The following PLCE1 variants were observed in gnomAD, a reference collection of about 807,000 sequenced individuals.
PLCE1 encodes 1-phosphatidylinositol 4,5-bisphosphate phosphodiesterase epsilon-1.
Under a neutral mutation model 242.8 loss-of-function variants are expected in PLCE1, and 119 were observed. That is an observed-to-expected ratio of 0.49 (90% CI 0.42 to 0.57). The LOEUF is 0.57. Among genes scored for constraint, PLCE1 ranks in the 20% least tolerant of loss-of-function variants. The probability of loss-of-function intolerance (pLI) is 0.00; values close to 1 mark genes in which losing one functional copy is unlikely to be tolerated. For synonymous variants in PLCE1, 945 were observed against 1,017.4 expected, an observed-to-expected ratio of 0.93 and a Z score of 1.35; for missense variants, 2,441 against 2,788.8, an observed-to-expected ratio of 0.88 and a Z score of 2.81.
chr10:94,121,017 C>T (rs1408894284), intron 2 of PLCE1: 1 of 152,204 alleles, frequency 6.6e-6, no homozygotes, highest in African/African-American at 2.4e-5. Flanking sequence ...AGGAATAAAC[C>T]TGGGATGAGA....
chr10:94,028,430 G>A (rs1050139998), intron 1 of PLCE1, among the ~76,000 whole-genome samples: 3 of 152,146 alleles, frequency 2.0e-5, no homozygotes, highest in African/African-American at 7.2e-5. Context: ...GAGAGGAGTA[G>A]CAAGGAGGAA....
At chr10:94,007,227 G>A (rs2134228494) in intron 1 of PLCE1, among the ~76,000 whole-genome samples, 1 of 151,476 alleles carries the variant, frequency 6.6e-6, no homozygotes, top group Admixed American at 6.6e-5. Context: ...TACTGAAGAG[G>A]AAGTTGAAAA....
At chr10:94,118,552 G>A (rs2046205966) in intron 2 of PLCE1, among the ~76,000 whole-genome samples, 1 of 152,096 alleles carries the variant, frequency 6.6e-6, no homozygotes, top group African/African-American at 2.4e-5. Flanking sequence ...ATAGTGAATG[G>A]GTCTCATAAG....
At chr10:94,220,376 T>TTATATATATTTATATATATATA (rs2049688620) in intron 4 of PLCE1, among the ~76,000 whole-genome samples, 1 of 61,906 alleles carries the variant, frequency 1.6e-5, no homozygotes, top group Non-Finnish European at 2.9e-5. Context: ...ACTAAACATT[T>TTATATATATTTATATATATATA]TATATATATA....
intron 5 of PLCE1, among the ~76,000 whole-genome samples, chr10:94,233,784 C>T (rs2050224464): frequency 1.3e-5 from 2 of 151,968 alleles, no homozygotes; most frequent in South Asian, 4.2e-4. Flanking sequence ...CCCGTCTCTA[C>T]TAAAAATATA....
chr10:94,054,589 G>T (rs1042827441), intron 2 of PLCE1, among the ~76,000 whole-genome samples: 1 of 152,160 alleles, frequency 6.6e-6, no homozygotes, highest in Non-Finnish European at 1.5e-5. Context: ...AGAGTTCAGG[G>T]TTTATCTCTT....
chr10:94,047,816 C>T (rs2134732469), intron 2 of PLCE1, among the ~76,000 whole-genome samples: 1 of 152,270 alleles, frequency 6.6e-6, no homozygotes, highest in South Asian at 2.1e-4. Context: ...CCTCCCTTCC[C>T]AGGTACCATC....
intron 4 of PLCE1, among the ~76,000 whole-genome samples, chr10:94,213,288 T>C (rs1002436098): frequency 6.6e-6 from 1 of 152,210 alleles, no homozygotes; most frequent in Non-Finnish European, 1.5e-5. Context: ...CTGGAAAAGA[T>C]GATGAACTTT....
rs562011104 is a variant in PLCE1 at position 94,298,028 on chromosome 10, G to C, written c.5168-351G>C. Reference sequence around the variant, plus strand: ...TCATTTTGTTTTGTTTCTTGTGTGGGGTTTTTTGTTTGGTTTTATTTTATT... The same window carrying C: ...TCATTTTGTTTTGTTTCTTGTGTGGCGTTTTTTGTTTGGTTTTATTTTATT... On this transcript the variant is annotated intron_variant, in intron 23 of 32. Coordinates refer to ENST00000371380, the MANE Select transcript of PLCE1 (RefSeq NM_016341.4). This position sits in a 1 kb window ranked among gnomAD's most constrained non-coding sequence, Gnocchi z 5.2. Among the ~76,000 whole-genome samples, 31 of 152,114 alleles carry C rather than the reference G, an allele frequency of 2.0e-4. No individual in the cohort carries two copies. The highest frequency in any genetic ancestry group is 3.1e-4 in the Non-Finnish European group (21 of 67,990).
At position 94,249,213 on chromosome 10, in the gene PLCE1, A is replaced by G. The variant is rs572538531; in HGVS notation, c.3096+2592A>G. ...CGTGCCTTAGAAACAGACACTCAAG[A>G]TTTCTTTCGAAAGAAAAAAGTTGGA... On this transcript the variant is annotated intron_variant, in intron 8 of 32. Coordinates refer to ENST00000371380, the MANE Select transcript of PLCE1 (RefSeq NM_016341.4). 8.1e-4 allele frequency among the ~76,000 whole-genome samples: 123 copies of G among 152,276 alleles called. 3 individuals carry two copies. The South Asian group carries it at 0.024, about 29-fold the overall frequency.
intron 2 of PLCE1, chr10:94,105,329 C>G (rs537337731): frequency 6.6e-6 from 1 of 152,396 alleles, no homozygotes; most frequent in Non-Finnish European, 1.5e-5. Context: ...CCCACCTGAC[C>G]CCTCCAGTCT....
chr10:94,229,651 C>T (rs562185599), intron 5 of PLCE1, among the ~76,000 whole-genome samples: 1 of 152,218 alleles, frequency 6.6e-6, no homozygotes, highest in African/African-American at 2.4e-5. Flanking sequence ...CCTATGGAGG[C>T]CTAGAGTGAA....
At chr10:94,066,800 A>G (rs1409202562) in intron 2 of PLCE1, among the ~76,000 whole-genome samples, 2 of 152,192 alleles carry the variant, frequency 1.3e-5, no homozygotes, top group African/African-American at 2.4e-5. Flanking sequence ...TTTGGATGAC[A>G]CACAATTTCA....
Position 94,306,471 on chromosome 10 carries a change from C to A in PLCE1, c.5667C>A (p.Ser1889Arg). 1 of 1,614,110 alleles carries A rather than the reference C, an allele frequency of 6.2e-7. No individual in the cohort carries two copies. ...QNVCPSNSMG[S>R]PCIEVDVLGM... ...TGTGCCCCAGTAATAGCATGGGAAG[C>A]CCGTGCATTGAAGTCGACGTCCTGG... Residue 1889 changes from serine to arginine, a missense_variant, in exon 26 of 33, where the codon AGC (serine) becomes AGA (arginine). Coordinates refer to ENST00000371380, the MANE Select transcript of PLCE1 (RefSeq NM_016341.4). This position sits in a 1 kb window ranked among gnomAD's most constrained non-coding sequence, Gnocchi z 5.7.
intron 8 of PLCE1, among the ~76,000 whole-genome samples, chr10:94,252,085 A>G (rs1047631826): frequency 6.6e-6 from 1 of 152,190 alleles, no homozygotes; most frequent in Non-Finnish European, 1.5e-5. Context: ...GATGTATTAA[A>G]GCATGTCACT....
At chr10:94,256,681 G>A (rs895384399) in intron 11 of PLCE1, among the ~76,000 whole-genome samples, 2 of 152,188 alleles carry the variant, frequency 1.3e-5, no homozygotes, top group African/African-American at 2.4e-5. Flanking sequence ...TCATTCATGA[G>A]CAGGAAAAGA....
intron 2 of PLCE1, among the ~76,000 whole-genome samples, chr10:94,065,373 C>G (rs2044170397): frequency 6.6e-6 from 1 of 152,184 alleles, no homozygotes; most frequent in Non-Finnish European, 1.5e-5. Flanking sequence ...AAACTTAAAC[C>G]TTGTTTTCCA....
At chr10:94,243,180 T>C (rs796565532) in intron 7 of PLCE1, among the ~76,000 whole-genome samples, 16 of 152,276 alleles carry the variant, frequency 1.1e-4, no homozygotes, top group African/African-American at 3.6e-4. Context: ...GTAGGTGCCC[T>C]CAATATGATG....
chr10:94,326,352 C>T (rs556497139), intron 32 of PLCE1, among the ~76,000 whole-genome samples: 2 of 152,326 alleles, frequency 1.3e-5, no homozygotes, highest in East Asian at 3.9e-4. Context: ...AGGCCCAATA[C>T]ATTGAGATCA....
Sources: gnomAD v4.1 joint callset for allele counts (sites outside exome capture counted in the v4.1 genomes callset) on GRCh38, gnomAD v4.1.1 for gene constraint, Gnocchi (gnomAD v3.1) non-coding constraint, MANE v1.5 for transcripts, NCBI Gene and HGNC (gene_info 2026-07-23, HGNC 2026-07-21) for gene names.